KDM6A: variants seen among roughly 807,000 people sequenced by gnomAD.
The protein encoded by KDM6A is lysine demethylase 6A, also known as lysine-specific demethylase 6A.
Under a neutral mutation model 117.6 loss-of-function variants are expected in KDM6A, and 11 were observed. That is an observed-to-expected ratio of 0.09 (90% CI 0.06 to 0.15). KDM6A has a LOEUF of 0.15. Among genes scored for constraint, KDM6A ranks in the 10% least tolerant of loss-of-function variants. The pLI is 1.00. For synonymous variants in KDM6A, 384 were observed against 396.1 expected, an observed-to-expected ratio of 0.97 and a Z score of 0.36; for missense variants, 799 against 1,077.3, an observed-to-expected ratio of 0.74 and a Z score of 3.62.
chrX:45,012,197 A>ATTTTTTTTTTTTTT (rs760991442), intron 5 of KDM6A, among the ~76,000 whole-genome samples: 5 of 69,068 alleles, frequency 7.2e-5, no homozygotes, highest in African/African-American at 2.5e-4. Flanking sequence ...CCCAATGTAG[A>ATTTTTTTTTTTTTT]TTTTTTTTTT....
chrX:45,071,964 G>A (rs1455852408), intron 18 of KDM6A, among the ~76,000 whole-genome samples: 2 of 110,846 alleles, frequency 1.8e-5, no homozygotes, highest in Non-Finnish European at 3.8e-5. Context: ...TAGTAGAGAC[G>A]GGGTTTCTCC....
chrX:44,901,607 A>G (rs936181191), intron 2 of KDM6A, among the ~76,000 whole-genome samples: 2 of 111,064 alleles, frequency 1.8e-5, no homozygotes, highest in Non-Finnish European at 3.8e-5. Flanking sequence ...TTTTTCCTCA[A>G]TTCAGCTTTT....
intron 2 of KDM6A, among the ~76,000 whole-genome samples, chrX:44,910,788 A>G (rs1039263726): frequency 1.8e-5 from 2 of 111,047 alleles, no homozygotes; most frequent in African/African-American, 6.6e-5. Flanking sequence ...TGGACACAGC[A>G]CATGTTTCAG....
intron 8 of KDM6A, among the ~76,000 whole-genome samples, chrX:45,047,238 T>A (rs755745939): frequency 1.8e-4 from 20 of 110,699 alleles, no homozygotes; most frequent in African/African-American, 2.3e-4. Flanking sequence ...ATTTTTTTTT[T>A]ATCAGTTTTG....
intron 4 of KDM6A, among the ~76,000 whole-genome samples, chrX:44,982,752 T>G (rs2147314934): frequency 8.9e-6 from 1 of 111,908 alleles, no homozygotes; most frequent in Admixed American, 9.5e-5. Context: ...TGGGCCTGAT[T>G]GGTAAGGTTT....
At chrX:45,041,876 G>A (rs1338468506) in intron 8 of KDM6A, among the ~76,000 whole-genome samples, 7 of 110,814 alleles carry the variant, frequency 6.3e-5, no homozygotes, top group African/African-American at 2.3e-4. Context: ...CTGCAATCTC[G>A]GCACTTTGGG....
In KDM6A at chrX:45,036,150, C is replaced by G. The variant is rs1184649588; in HGVS notation, c.619+1165C>G. Among the ~76,000 whole-genome samples the G allele has an allele frequency of 3.6e-5, 4 of 111,436 alleles. No homozygotes were observed. The East Asian group carries it at 1.1e-3, about 31-fold the overall frequency. On this transcript the variant is annotated intron_variant, in intron 7 of 29. Transcript: ENST00000611820. ...TGTTTCATTTTGAGATGGGGTCTTT[C>G]TCTGCCACTTAGGCTGGAGTGCAGT...
intron 8 of KDM6A, among the ~76,000 whole-genome samples, chrX:45,040,989 G>C (rs2043136564): frequency 2.5e-5 from 2 of 80,330 alleles, no homozygotes; most frequent in African/African-American, 9.7e-5. Context: ...GGCCGGCCGG[G>C]CGGGGGGCTG....
chrX:45,077,188 T>G (rs749281532), intron 19 of KDM6A, among the ~76,000 whole-genome samples: 5 of 109,978 alleles, frequency 4.5e-5, no homozygotes, highest in Non-Finnish European at 9.5e-5. Flanking sequence ...TTTATACATC[T>G]ACCCCCCCAA....
intron 6 of KDM6A, among the ~76,000 whole-genome samples, chrX:45,024,693 T>A (rs2042298811): frequency 9.0e-6 from 1 of 110,996 alleles, no homozygotes; most frequent in Non-Finnish European, 1.9e-5. Flanking sequence ...TGCTTTTGGA[T>A]TCTTGGTCAT....
At chrX:45,082,472 A>G (rs1456229278) in intron 21 of KDM6A, 104 bp from the exon 22 acceptor site, 1 of 558,017 alleles carries the variant, frequency 1.8e-6, no homozygotes, top group Non-Finnish European at 3.1e-6. Flanking sequence ...TCAAAACACA[A>G]ATAATACTAT....
At chrX:45,052,642 A>G (rs911622539) in intron 9 of KDM6A, among the ~76,000 whole-genome samples, 9 of 111,740 alleles carry the variant, frequency 8.1e-5, no homozygotes, top group Admixed American at 5.7e-4. Flanking sequence ...AAACAAAACT[A>G]AGGCTTTATT....
chrX:45,104,365 A>G (rs2046452687), intron 27 of KDM6A, among the ~76,000 whole-genome samples: 1 of 113,015 alleles, frequency 8.8e-6, no homozygotes, highest in African/African-American at 3.2e-5. Flanking sequence ...ACTTACAGAA[A>G]TTCAGCAAAA....
intron 3 of KDM6A, among the ~76,000 whole-genome samples, chrX:44,973,130 T>A (rs2039443019): frequency 9.0e-6 from 1 of 111,390 alleles, no homozygotes; most frequent in African/African-American, 3.3e-5. Context: ...ATAGAAACTT[T>A]ATCAGAACAT....
At chrX:44,959,745 T>TA (rs752633697) in intron 2 of KDM6A, among the ~76,000 whole-genome samples, 63 of 111,649 alleles carry the variant, frequency 5.6e-4, no homozygotes, top group Middle Eastern at 4.7e-3. Flanking sequence ...AGATAAGAAT[T>TA]ATATATGACT....
intron 2 of KDM6A, among the ~76,000 whole-genome samples, chrX:44,899,004 G>GGTGTGTGTGTGTGT (rs745714866): frequency 0.036 from 2,871 of 79,530 alleles, 69 homozygotes; most frequent in African/African-American, 0.073. Flanking sequence ...GGAGAGGGAG[G>GGTGTGTGTGTGTGT]GTGTGTGTGT....
At chrX:45,032,700 C>T (rs2042648992) in intron 6 of KDM6A, among the ~76,000 whole-genome samples, 1 of 111,644 alleles carries the variant, frequency 9.0e-6, no homozygotes, top group South Asian at 3.7e-4. Context: ...ATCTGCCCGC[C>T]TCGGCCTCCC....
intron 2 of KDM6A, among the ~76,000 whole-genome samples, chrX:44,908,153 T>G (rs1271830917): frequency 9.0e-6 from 1 of 111,198 alleles, no homozygotes; most frequent in African/African-American, 3.3e-5. Flanking sequence ...AGGATTCTGC[T>G]GCTTGAAAGG....
intron 2 of KDM6A, among the ~76,000 whole-genome samples, chrX:44,874,194 G>T (rs771520846): frequency 8.9e-6 from 1 of 111,802 alleles, no homozygotes; most frequent in South Asian, 3.8e-4. Context: ...CTTGTAGCTG[G>T]AGGAACAGAG....
Sources: allele counts gnomAD v4.1 joint callset (sites outside exome capture counted in the v4.1 genomes callset), GRCh38; gene constraint gnomAD v4.1.1; transcripts MANE v1.5; gene names NCBI Gene and HGNC (gene_info 2026-07-23, HGNC 2026-07-21).